Variants in IL1RAP observed in about 807,000 individuals in gnomAD.
The protein encoded by IL1RAP is interleukin 1 receptor accessory protein.
A neutral mutation model predicts 60.7 loss-of-function variants in IL1RAP; 35 were observed. The observed-to-expected ratio is 0.58, with a 90% CI of 0.44 to 0.76. The LOEUF (loss-of-function observed/expected upper bound fraction) is 0.76, where lower values mean the gene tolerates loss of function less well. Among genes scored for constraint, IL1RAP ranks in the 30% least tolerant of loss-of-function variants. The pLI is 0.00. For missense variants in IL1RAP, 572 were observed against 693.9 expected (o/e 0.82, Z 1.97); for synonymous variants, 268 against 250.9 (o/e 1.07, Z -0.64).
rs1237794516 is a variant in IL1RAP at position 190,648,427 on chromosome 3, G to A, written c.1435G>A (p.Ala479Thr). ...CAACTACGTGCTCCAGGGAACCCAA[G>A]CCCTCCTGGAGCTCAAGGCTGGCCT... The part of the protein sequence containing the change: ...SPNYVLQGTQ[A>T]LLELKAGLEN... The change falls in exon 12 of 12, where the codon GCC (alanine) becomes ACC (threonine). Residue 479 changes from alanine to threonine, a missense_variant. Coordinates refer to ENST00000447382, the MANE Select transcript of IL1RAP (RefSeq NM_002182.4). 6.2e-7 allele frequency: 1 copy of A among 1,614,140 alleles called. No individual in the cohort carries two copies. The highest frequency in any genetic ancestry group is 2.2e-5 in the East Asian group (1 of 44,870).
chr3:190,521,696 T>C (rs1263482208), intron 1 of IL1RAP, among the ~76,000 whole-genome samples: 1 of 151,692 alleles, frequency 6.6e-6, no homozygotes, highest in Non-Finnish European at 1.5e-5. Context: ...TTTATGTCCT[T>C]AAGGATGTGA....
chr3:190,615,136 G>C (rs911410522), intron 5 of IL1RAP: 2 of 153,362 alleles, frequency 1.3e-5, no homozygotes, highest in Non-Finnish European at 2.9e-5. Context: ...AGGTATTCTA[G>C]TTTAACTCCT....
intron 9 of IL1RAP, among the ~76,000 whole-genome samples, chr3:190,633,548 G>A (rs1014589218): frequency 7.9e-5 from 12 of 151,868 alleles, no homozygotes; most frequent in African/African-American, 2.9e-4. Context: ...GTAGAGACGG[G>A]GTTTCTCCAT....
chr3:190,629,053 G>T (rs1732552003), intron 8 of IL1RAP, among the ~76,000 whole-genome samples: 1 of 152,160 alleles, frequency 6.6e-6, no homozygotes. Context: ...ACAGCATCCT[G>T]GCTCAGAAGT....
At position 190,649,553 on chromosome 3, in the gene IL1RAP, T is replaced by C. The variant is rs1220159001; in HGVS notation, c.*848T>C. On this transcript the variant is annotated 3_prime_UTR_variant, in exon 12 of 12. Coordinates refer to ENST00000447382, the MANE Select transcript of IL1RAP (RefSeq NM_002182.4). ...GAGGGAGGTAACAGAAAGACTCTTT[T>C]AGGGCATTTTTCTGACTCATGAAAA... 2 of 985,694 alleles carry C rather than the reference T, an allele frequency of 2.0e-6. No homozygotes were observed. Among genetic ancestry groups the C allele is most frequent in the Non-Finnish European group, 2.4e-6 (2 of 829,926 alleles). 61.1% of individuals were successfully genotyped at this position (985,694 alleles called of 1,614,324 possible).
At chr3:190,556,569 T>C (rs1560166680) in intron 2 of IL1RAP, among the ~76,000 whole-genome samples, 1 of 152,304 alleles carries the variant, frequency 6.6e-6, no homozygotes, top group East Asian at 1.9e-4. Context: ...AATTTCATCA[T>C]AGAGGCTATC....
intron 1 of IL1RAP, among the ~76,000 whole-genome samples, chr3:190,528,507 G>A (rs751301118): frequency 2.2e-4 from 34 of 152,126 alleles, no homozygotes; most frequent in Non-Finnish European, 3.7e-4. Flanking sequence ...AGTTGCCTGC[G>A]TTAATAAAAA....
intron 9 of IL1RAP, among the ~76,000 whole-genome samples, chr3:190,634,778 C>G (rs1384799085): frequency 1.4e-5 from 2 of 145,188 alleles, no homozygotes; most frequent in African/African-American, 5.3e-5. Context: ...TGCAGTGGCG[C>G]GATCTCGGCT....
intron 9 of IL1RAP, among the ~76,000 whole-genome samples, chr3:190,633,653 G>C (rs985704485): frequency 6.6e-6 from 1 of 152,104 alleles, no homozygotes; most frequent in Non-Finnish European, 1.5e-5. Context: ...GAGCCACCAT[G>C]CCCGGCCTGT....
downstream of IL1RAP, chr3:190,656,345 A>G (rs1734619484): frequency 3.3e-6 from 5 of 1,537,232 alleles, no homozygotes; most frequent in East Asian, 1.2e-4. Flanking sequence ...ACAATGTCCA[A>G]GCACCGAGGG....
chr3:190,632,474 G>A (rs1267313407), intron 9 of IL1RAP, among the ~76,000 whole-genome samples: 1 of 152,090 alleles, frequency 6.6e-6, no homozygotes, highest in Non-Finnish European at 1.5e-5. Context: ...ATGTATGTTA[G>A]GATATAGACA....
intron 9 of IL1RAP, among the ~76,000 whole-genome samples, chr3:190,635,349 T>C (rs1209238602): frequency 6.6e-6 from 1 of 152,106 alleles, no homozygotes; most frequent in Non-Finnish European, 1.5e-5. Flanking sequence ...TGTTTATATA[T>C]TTATTTACTT....
At chr3:190,515,459 C>T (rs1043862328) in intron 1 of IL1RAP, among the ~76,000 whole-genome samples, 1 of 152,044 alleles carries the variant, frequency 6.6e-6, no homozygotes, top group Non-Finnish European at 1.5e-5. Flanking sequence ...CTTACAGAGG[C>T]ATTTTAAAAA....
intron 11 of IL1RAP, among the ~76,000 whole-genome samples, chr3:190,647,820 G>A (rs1031632380): frequency 2.0e-5 from 3 of 152,112 alleles, no homozygotes; most frequent in African/African-American, 4.8e-5. Context: ...AGAAGATGAA[G>A]GTCTCTAACT....
chr3:190,515,730 G>A (rs979508108), intron 1 of IL1RAP, among the ~76,000 whole-genome samples: 2 of 151,722 alleles, frequency 1.3e-5, no homozygotes, highest in African/African-American at 4.8e-5. Flanking sequence ...AGACAAAGTT[G>A]GAAGTTGCAG....
At chr3:190,542,435 T>G (rs1466597213) in intron 1 of IL1RAP, among the ~76,000 whole-genome samples, 3 of 152,164 alleles carry the variant, frequency 2.0e-5, no homozygotes, top group Non-Finnish European at 4.4e-5. Flanking sequence ...GTAAGTTGTG[T>G]GAATATGAAG....
chr3:190,645,138 T>G (rs147584119), intron 10 of IL1RAP, among the ~76,000 whole-genome samples: 44 of 152,302 alleles, frequency 2.9e-4, no homozygotes, highest in African/African-American at 9.6e-4. Context: ...ACATACAAAT[T>G]CATAGGTCCA....
At chr3:190,556,109 T>A (rs1725407364) in intron 1 of IL1RAP, 21 bp from the exon 2 acceptor site, 1 of 152,156 alleles carries the variant, frequency 6.6e-6, no homozygotes, top group African/African-American at 2.4e-5. Flanking sequence ...TGTGTTCAAC[T>A]TTTTCATTTT....
rs1734311135 is a variant in IL1RAP at position 190,650,157 on chromosome 3, A to G, written c.*1452A>G. On this transcript the variant is annotated 3_prime_UTR_variant, in exon 12 of 12. Transcript: ENST00000447382. ...TTAAAAACCACTGGAACTCTTGTCC[A>G]GTTTTTAAATTATGTTTTTACTGGA... 1.0e-6 allele frequency: 1 copy of G among 984,456 alleles called. No individual in the cohort carries two copies. Among genetic ancestry groups the G allele is most frequent in the African/African-American group, 1.7e-5 (1 of 57,206 alleles). 61.0% of individuals were successfully genotyped at this position (984,456 alleles called of 1,614,324 possible). A position where few individuals can be genotyped will look rare whatever the true frequency, so the allele number is the denominator to read the frequency against.
Sources: allele counts gnomAD v4.1 joint callset (sites outside exome capture counted in the v4.1 genomes callset), GRCh38; gene constraint gnomAD v4.1.1; transcripts MANE v1.5; gene names NCBI Gene and HGNC (gene_info 2026-07-23, HGNC 2026-07-21).